USP28: variants seen among roughly 807,000 people sequenced by gnomAD.
USP28 encodes ubiquitin carboxyl-terminal hydrolase 28.
Under a neutral mutation model 145.0 loss-of-function variants are expected in USP28, and 113 were observed. The observed-to-expected ratio is 0.78, with a 90% CI of 0.67 to 0.91. The LOEUF (loss-of-function observed/expected upper bound fraction) is 0.91. Ranked by LOEUF, USP28 falls within the 40% of genes least tolerant of loss-of-function variation. USP28 has a pLI of 0.00. For missense variants in USP28, 1,201 were observed against 1,289.6 expected, an observed-to-expected ratio of 0.93 and a Z score of 1.05; for synonymous variants, 447 against 450.9, an observed-to-expected ratio of 0.99 and a Z score of 0.11.
intron 3 of USP28, among the ~76,000 whole-genome samples, chr11:113,849,456 A>G (rs1208588153): frequency 6.6e-6 from 1 of 152,220 alleles, no homozygotes; most frequent in Non-Finnish European, 1.5e-5. Context: ...TTGAACAGTG[A>G]TAAAAGCCCG....
At chr11:113,866,775 G>A (rs1242885020) in intron 1 of USP28, among the ~76,000 whole-genome samples, 1 of 152,170 alleles carries the variant, frequency 6.6e-6, no homozygotes, top group Non-Finnish European at 1.5e-5. Flanking sequence ...ATTACCATAT[G>A]AGTCAACAAT....
chr11:113,823,236 C>T (rs1942883633), intron 12 of USP28, among the ~76,000 whole-genome samples: 1 of 152,162 alleles, frequency 6.6e-6, no homozygotes, highest in Non-Finnish European at 1.5e-5. Flanking sequence ...TTCTTAGACA[C>T]TTCAGAAACT....
intron 6 of USP28, 86 bp downstream of exon 6, chr11:113,834,163 G>A (rs548839789): frequency 1.9e-5 from 18 of 944,430 alleles, no homozygotes; most frequent in East Asian, 2.5e-5. Flanking sequence ...AGAGTATCAC[G>A]GATATCAGCT....
chr11:113,847,938 T>C (rs1381651840), intron 3 of USP28, among the ~76,000 whole-genome samples: 2 of 152,192 alleles, frequency 1.3e-5, no homozygotes, highest in African/African-American at 4.8e-5. Context: ...CTGGAAGCCT[T>C]ATTAGATTTG....
Position 113,866,017 on chromosome 11 carries a change from G to A in USP28, c.57+9428C>T, listed in dbSNP as rs150183904. On this transcript the variant is annotated intron_variant, in intron 1 of 24. Transcript: ENST00000003302. ...ATCCAACAAGAAATATACAGTGCTG[G>A]CCGGGCACGGTGGCTCATGCCTGTA... Among the ~76,000 whole-genome samples, 115 of 152,304 alleles carry A rather than the reference G, an allele frequency of 7.6e-4. 1 individual carries two copies. The highest frequency in any genetic ancestry group is 2.4e-3 in the African/African-American group (100 of 41,568).
intron 1 of USP28, among the ~76,000 whole-genome samples, chr11:113,855,638 C>T (rs1377715634): frequency 6.6e-6 from 1 of 152,122 alleles, no homozygotes; most frequent in Admixed American, 6.5e-5. Flanking sequence ...CTAAAGAGGT[C>T]GGGCATGGTG....
chr11:113,830,741 G>A lies in USP28; in HGVS notation c.910+126C>T, dbSNP rs910190885. On this transcript the variant is annotated intron_variant, in intron 9 of 24. Coordinates refer to ENST00000003302, the Ensembl canonical transcript of USP28. ...ACAGTTAAACAGATACCAAGAGGCA[G>A]AACCAATATTCAGAGCTGAGTACTG... 3.4e-5 allele frequency: 27 copies of A among 783,984 alleles called. No individual in the cohort carries two copies. The East Asian group carries it at 6.6e-4, about 19-fold the overall frequency. 48.6% of individuals were successfully genotyped at this position (783,984 alleles called of 1,614,324 possible). A position where few individuals can be genotyped will look rare whatever the true frequency, so the allele number is the denominator to read the frequency against.
intron 12 of USP28, 72 bp from the exon 13 acceptor site, chr11:113,817,909 C>G: frequency 6.7e-7 from 1 of 1,502,812 alleles, no homozygotes; most frequent in Non-Finnish European, 9.1e-7. Flanking sequence ...GACAAAAGAT[C>G]TGTTTATCAC....
intron 3 of USP28, among the ~76,000 whole-genome samples, chr11:113,843,567 A>G (rs771260382): frequency 2.7e-5 from 4 of 150,036 alleles, no homozygotes; most frequent in Admixed American, 6.7e-5. Context: ...GCTACTCAGG[A>G]GGCTGAGGCA....
At chr11:113,863,562 T>C (rs1245590839) in intron 1 of USP28, among the ~76,000 whole-genome samples, 1 of 150,520 alleles carries the variant, frequency 6.6e-6, no homozygotes, top group Non-Finnish European at 1.5e-5. Flanking sequence ...GGAGGATTGC[T>C]TGAGCCCAGA....
chr11:113,844,577 T>C (rs1349698941), intron 3 of USP28, among the ~76,000 whole-genome samples: 1 of 152,122 alleles, frequency 6.6e-6, no homozygotes, highest in Non-Finnish European at 1.5e-5. Flanking sequence ...CAAATAGTGA[T>C]TTCAAAAATG....
chr11:113,821,206 G>A, intron 12 of USP28: 1 of 222,882 alleles, frequency 4.5e-6, no homozygotes. Flanking sequence ...TTCACCATGT[G>A]CTGCTTCTGG....
chr11:113,808,000 C>T, intron 18 of USP28: 1 of 1,209,222 alleles, frequency 8.3e-7, no homozygotes, highest in South Asian at 1.9e-5. Context: ...CCTTCCCACA[C>T]TGGGAATCTC....
intron 1 of USP28, chr11:113,874,933 C>T: frequency 5.0e-6 from 3 of 600,198 alleles, no homozygotes; most frequent in Non-Finnish European, 6.3e-6. Context: ...TTTTTAAAGC[C>T]GGGTTGGGAG....
At chr11:113,801,284 G>A (rs1477321555) in intron 24 of USP28, among the ~76,000 whole-genome samples, 199 bp downstream of exon 25, 1 of 152,144 alleles carries the variant, frequency 6.6e-6, no homozygotes, top group Non-Finnish European at 1.5e-5. Context: ...CAGTCATGGG[G>A]AAGCTAAAGG....
At chr11:113,811,034 C>A (rs1940898305) in intron 16 of USP28, among the ~76,000 whole-genome samples, 1 of 152,188 alleles carries the variant, frequency 6.6e-6, no homozygotes, top group South Asian at 2.1e-4. Context: ...AAGCTTTCTA[C>A]TATCTTACTT....
intron 9 of USP28, among the ~76,000 whole-genome samples, chr11:113,829,651 C>A (rs1943759154): frequency 6.6e-6 from 1 of 152,010 alleles, no homozygotes; most frequent in South Asian, 2.1e-4. Context: ...CACAGTGACA[C>A]CCCTGTCTCT....
intron 13 of USP28, among the ~76,000 whole-genome samples, chr11:113,816,747 C>A (rs953047144): frequency 2.6e-5 from 4 of 151,968 alleles, no homozygotes; most frequent in Non-Finnish European, 5.9e-5. Context: ...GCCTGCCGAA[C>A]CACTTTTTAA....
intron 3 of USP28, among the ~76,000 whole-genome samples, chr11:113,844,327 G>T (rs1287598739): frequency 6.6e-6 from 1 of 151,946 alleles, no homozygotes; most frequent in African/African-American, 2.4e-5. Flanking sequence ...TGTAATCTCC[G>T]CTACTCGGGA....
Sources: allele counts gnomAD v4.1 joint callset (sites outside exome capture counted in the v4.1 genomes callset), GRCh38; gene constraint gnomAD v4.1.1; transcripts MANE v1.5; gene names NCBI Gene and HGNC (gene_info 2026-07-23, HGNC 2026-07-21).